Variants in PCDH11Y observed in about 807,000 individuals in gnomAD.
The protein encoded by PCDH11Y is protocadherin-11 Y-linked.
For synonymous variants in PCDH11Y, 9 were observed against 83.6 expected (o/e 0.11, Z 4.87); for missense variants, 12 against 224.8 (o/e 0.05, Z 6.05).
chrY:5,593,774 T>C, intron 4 of PCDH11Y, among the ~76,000 whole-genome samples: 7 of 31,918 alleles, frequency 2.2e-4, no homozygotes, highest in Non-Finnish European at 4.6e-4. Flanking sequence ...CTGGAAGAAT[T>C]TGGGGGGCCA....
At chrY:5,510,004 G>T (rs2053362964) in intron 3 of PCDH11Y, among the ~76,000 whole-genome samples, 1 of 28,319 alleles carries the variant, frequency 3.5e-5, no homozygotes, top group Admixed American at 3.2e-4. Context: ...ACAAAAATTA[G>T]CTGGGCATGA....
At chrY:5,126,726 C>T (rs2124640669) in intron 2 of PCDH11Y, among the ~76,000 whole-genome samples, 2 of 32,622 alleles carry the variant, frequency 6.1e-5, no homozygotes, top group South Asian at 1.4e-3. Flanking sequence ...TACTTCAGTG[C>T]ATATTCTTTC....
chrY:5,593,930 T>C, intron 4 of PCDH11Y, among the ~76,000 whole-genome samples: 1 of 33,251 alleles, frequency 3.0e-5, no homozygotes, highest in Non-Finnish European at 7.4e-5. Flanking sequence ...CACTACACTT[T>C]GATGGCTGGT....
intron 2 of PCDH11Y, among the ~76,000 whole-genome samples, chrY:5,423,744 A>G (rs13304646): frequency 3.0e-5 from 1 of 32,878 alleles, no homozygotes; most frequent in African/African-American, 1.2e-4. Flanking sequence ...AGTCAGATTC[A>G]TAGAAATAGA....
chrY:5,398,309 A>T (rs2124676722), intron 2 of PCDH11Y, among the ~76,000 whole-genome samples: 33 of 28,949 alleles, frequency 1.1e-3, no homozygotes, highest in African/African-American at 4.1e-3. Context: ...GTTATAGCTA[A>T]TTTTTCCTAA....
intron 2 of PCDH11Y, among the ~76,000 whole-genome samples, chrY:5,364,802 A>G: frequency 3.0e-5 from 1 of 33,096 alleles, no homozygotes; most frequent in Non-Finnish European, 7.5e-5. Flanking sequence ...ATTTTATCAT[A>G]CATATGTATA....
At chrY:5,734,420 G>A in intron 4 of PCDH11Y, among the ~76,000 whole-genome samples, 2 of 33,224 alleles carry the variant, frequency 6.0e-5, no homozygotes, top group African/African-American at 2.4e-4. Context: ...AATGGCATAC[G>A]CAAGTCAGTT....
At chrY:5,478,416 G>C in intron 2 of PCDH11Y, among the ~76,000 whole-genome samples, 1 of 33,193 alleles carries the variant, frequency 3.0e-5, no homozygotes, top group Non-Finnish European at 7.4e-5. Flanking sequence ...TTTTGCATTT[G>C]CTGGGGAGTT....
chrY:5,490,300 C>A, intron 2 of PCDH11Y, among the ~76,000 whole-genome samples: 1 of 33,510 alleles, frequency 3.0e-5, no homozygotes, highest in Non-Finnish European at 7.4e-5. Context: ...CGTGTACTCA[C>A]AGGGAAGAAA....
chrY:5,506,188 A>C, intron 3 of PCDH11Y, among the ~76,000 whole-genome samples: 1 of 29,649 alleles, frequency 3.4e-5, no homozygotes, highest in African/African-American at 1.3e-4. Flanking sequence ...TAAAAAATTC[A>C]AGGAGAAAAT....
intron 2 of PCDH11Y, among the ~76,000 whole-genome samples, chrY:5,245,039 G>C (rs2052994146): frequency 7.7e-4 from 25 of 32,679 alleles, no homozygotes; most frequent in Non-Finnish European, 1.4e-3. Context: ...TTCCTCATTG[G>C]GCAGGGCCTC....
At chrY:5,565,942 G>GTATATA (rs376402244) in intron 3 of PCDH11Y, among the ~76,000 whole-genome samples, 1 of 18,115 alleles carries the variant, frequency 5.5e-5, no homozygotes, top group South Asian at 1.4e-3. Context: ...GTGTGTGTGT[G>GTATATA]TATATATATA....
chrY:5,067,580 C>A, intron 1 of PCDH11Y, among the ~76,000 whole-genome samples: 2 of 33,158 alleles, frequency 6.0e-5, no homozygotes, highest in African/African-American at 2.4e-4. Context: ...TACCCAATAA[C>A]CTTCCTGTTA....
chrY:5,507,427 T>A (rs2124688609), intron 3 of PCDH11Y, among the ~76,000 whole-genome samples: 1 of 32,766 alleles, frequency 3.1e-5, no homozygotes, highest in Non-Finnish European at 7.6e-5. Flanking sequence ...TATATAGGCT[T>A]TGGGAAGGCA....
intron 2 of PCDH11Y, among the ~76,000 whole-genome samples, chrY:5,436,822 C>T (rs2053275854): frequency 3.0e-5 from 1 of 32,986 alleles, no homozygotes; most frequent in Non-Finnish European, 7.5e-5. Context: ...TTATTAATAA[C>T]GCTCTTATCA....
intron 2 of PCDH11Y, among the ~76,000 whole-genome samples, chrY:5,128,503 G>A (rs370452113): frequency 3.3e-5 from 1 of 30,625 alleles, no homozygotes; most frequent in African/African-American, 1.3e-4. Context: ...AAGTGACCTT[G>A]TATTTGATCA....
intron 1 of PCDH11Y, among the ~76,000 whole-genome samples, chrY:5,065,259 G>A (rs2563789): frequency 3.0e-5 from 1 of 32,927 alleles, no homozygotes; most frequent in Non-Finnish European, 7.5e-5. Context: ...GAAATAAAAC[G>A]TTTTGATGAC....
intron 2 of PCDH11Y, among the ~76,000 whole-genome samples, chrY:5,440,825 A>C (rs2124681725): frequency 1.0e-4 from 3 of 30,002 alleles, no homozygotes; most frequent in Non-Finnish European, 2.5e-4. Context: ...AAAATGATAG[A>C]ACAGTTGATG....
intron 1 of PCDH11Y, among the ~76,000 whole-genome samples, chrY:5,073,622 G>A: frequency 3.4e-5 from 1 of 29,043 alleles, no homozygotes; most frequent in Non-Finnish European, 8.2e-5. Context: ...ATTTTTAGTA[G>A]AGACGGGGTT....
Sources: allele counts gnomAD v4.1 joint callset (sites outside exome capture counted in the v4.1 genomes callset), GRCh38; gene constraint gnomAD v4.1.1; transcripts MANE v1.5; gene names NCBI Gene and HGNC (gene_info 2026-07-23, HGNC 2026-07-21).